Variants in IKZF2 observed in about 807,000 individuals in gnomAD.
The protein encoded by IKZF2 is IKAROS family zinc finger 2.
IKZF2 carries 15 observed loss-of-function variants against 49.2 expected under a neutral mutation model. That is an observed-to-expected ratio of 0.30 (90% confidence interval 0.20 to 0.47). The LOEUF is 0.47. Ranked by LOEUF, IKZF2 falls within the 20% of genes least tolerant of loss-of-function variation. The pLI, the probability that IKZF2 is intolerant of heterozygous loss-of-function variation, is 1.00. For missense variants in IKZF2, 567 were observed against 664.6 expected (o/e 0.85, Z 1.61); for synonymous variants, 227 against 221.4 (o/e 1.03, Z -0.23).
intron 4 of IKZF2, among the ~76,000 whole-genome samples, chr2:213,060,125 T>G (rs1011030065): frequency 1.3e-5 from 2 of 151,334 alleles, no homozygotes. Flanking sequence ...TACAATTAGG[T>G]TGAAATTCTA....
intron 6 of IKZF2, among the ~76,000 whole-genome samples, chr2:213,041,339 TG>T (rs112857321): frequency 7.1e-4 from 95 of 133,066 alleles, no homozygotes; most frequent in African/African-American, 3.6e-4. Flanking sequence ...AATCTTTTTT[TG>T]GGGGGGGTGG....
chr2:213,074,836 T>C (rs564629190), intron 4 of IKZF2, among the ~76,000 whole-genome samples: 31 of 152,342 alleles, frequency 2.0e-4, no homozygotes, highest in Middle Eastern at 3.4e-3. Flanking sequence ...CATCAAACCT[T>C]ATTAATATGA....
chr2:213,118,463 A>G (rs2059945901), intron 4 of IKZF2, among the ~76,000 whole-genome samples: 1 of 152,222 alleles, frequency 6.6e-6, no homozygotes, highest in Non-Finnish European at 1.5e-5. Context: ...AATGTGTTCT[A>G]TATTTGTAAA....
intron 6 of IKZF2, among the ~76,000 whole-genome samples, chr2:213,048,929 CAAAT>C (rs992493362): frequency 2.0e-5 from 3 of 152,032 alleles, no homozygotes; most frequent in African/African-American, 4.8e-5. Flanking sequence ...ACAGAAGAAA[CAAAT>C]AAAACTAGCT....
At chr2:213,069,379 ATCT>A (rs1702467644) in intron 4 of IKZF2, among the ~76,000 whole-genome samples, 1 of 152,126 alleles carries the variant, frequency 6.6e-6, no homozygotes, top group African/African-American at 2.4e-5. Flanking sequence ...AGTTATTTTA[ATCT>A]TCTTCCACCT....
At chr2:213,084,452 T>C (rs916104746) in intron 4 of IKZF2, among the ~76,000 whole-genome samples, 5 of 152,164 alleles carry the variant, frequency 3.3e-5, no homozygotes, top group Non-Finnish European at 7.3e-5. Flanking sequence ...ATGGTCAGTG[T>C]TAGAAAAGTG....
chr2:213,129,547 G>A (rs758131987), intron 4 of IKZF2, among the ~76,000 whole-genome samples: 3 of 151,928 alleles, frequency 2.0e-5, no homozygotes, highest in Admixed American at 6.6e-5. Context: ...GAGGAAGTCA[G>A]AGATGGAGGC....
intron 6 of IKZF2, among the ~76,000 whole-genome samples, chr2:213,030,399 C>G (rs1698278225): frequency 6.6e-6 from 1 of 151,872 alleles, no homozygotes; most frequent in African/African-American, 2.4e-5. Flanking sequence ...CAAAGAGAAT[C>G]TCTTTATATG....
intron 4 of IKZF2, among the ~76,000 whole-genome samples, chr2:213,129,841 A>T (rs2060414650): frequency 6.6e-6 from 1 of 152,206 alleles, no homozygotes; most frequent in Admixed American, 6.5e-5. Flanking sequence ...TAAATTCAGG[A>T]TGTATTTTAG....
rs532332398 is a variant in IKZF2 at position 213,073,472 on chromosome 2, CATG to C, written c.140-16376_140-16374del. ...ACAAATGATAGTAATCCATTATTGA[CATG>C]ATCTATGTTTCATAAATATAAAAAG... On this transcript the variant is annotated intron_variant, in intron 4 of 8. Coordinates refer to ENST00000434687, the MANE Select transcript of IKZF2 (RefSeq NM_001387220.1). Among the ~76,000 whole-genome samples, 759 of 152,258 alleles carry C rather than the reference CATG, an allele frequency of 5.0e-3. 7 individuals are homozygous for C. The highest frequency in any genetic ancestry group is 0.017 in the African/African-American group (724 of 41,544).
At chr2:213,111,339 A>C (rs779233621) in intron 4 of IKZF2, among the ~76,000 whole-genome samples, 1 of 152,076 alleles carries the variant, frequency 6.6e-6, no homozygotes, top group Non-Finnish European at 1.5e-5. Flanking sequence ...AATACTTCAC[A>C]GTATATCTTC....
At position 213,139,095 on chromosome 2, in the gene IKZF2, T is replaced by C. The variant is rs181174909; in HGVS notation, c.139+8613A>G. Among the ~76,000 whole-genome samples the C allele has an allele frequency of 7.6e-4, 116 of 152,014 alleles. 3 individuals carry two copies. Among genetic ancestry groups the C allele is most frequent in the Non-Finnish European group, 1.5e-4 (10 of 67,842 alleles). On this transcript the variant is annotated intron_variant, in intron 4 of 8. Coordinates refer to ENST00000434687, the MANE Select transcript of IKZF2 (RefSeq NM_001387220.1). ...ATAAAGTTAGGCTATAAAATCAACATTTTACAAATTAAAGCAGAAATATAA... is the reference window on the plus strand; with the variant it reads ...ATAAAGTTAGGCTATAAAATCAACACTTTACAAATTAAAGCAGAAATATAA...
intron 4 of IKZF2, among the ~76,000 whole-genome samples, chr2:213,074,610 AAT>A (rs1703061498): frequency 6.6e-6 from 1 of 152,168 alleles, no homozygotes; most frequent in East Asian, 1.9e-4. Context: ...AAAACTCTTA[AAT>A]CCAATCAATG....
At chr2:213,080,369 G>A (rs1039745437) in intron 4 of IKZF2, among the ~76,000 whole-genome samples, 1 of 152,120 alleles carries the variant, frequency 6.6e-6, no homozygotes, top group South Asian at 2.1e-4. Flanking sequence ...AGGCACAAAG[G>A]TTCATTAAAT....
chr2:213,120,865 C>T (rs949348560), intron 4 of IKZF2, among the ~76,000 whole-genome samples: 1 of 152,280 alleles, frequency 6.6e-6, no homozygotes, highest in Admixed American at 6.5e-5. Context: ...CTCAGCCCCT[C>T]AAGTAGCTGG....
At chr2:213,031,663 A>G (rs1342059307) in intron 6 of IKZF2, among the ~76,000 whole-genome samples, 12 of 152,214 alleles carry the variant, frequency 7.9e-5, no homozygotes, top group Non-Finnish European at 8.8e-5. Flanking sequence ...CAAAATATAC[A>G]TTGTAACATA....
At position 213,122,470 on chromosome 2, in the gene IKZF2, G is replaced by C. The variant is rs1481185439; in HGVS notation, c.139+25238C>G. Among the ~76,000 whole-genome samples, 5 of 152,104 alleles carry C rather than the reference G, an allele frequency of 3.3e-5. No individual in the cohort carries two copies. The East Asian group carries it at 9.6e-4, about 29-fold the overall frequency. ...GTCTGGGACTGTTTATTTTTTTCAA[G>C]TATCTTAGATGATTCTTACGATCAA... is the stretch of plus-strand genomic sequence containing the variant. On this transcript the variant is annotated intron_variant, in intron 4 of 8. Coordinates refer to ENST00000434687, the MANE Select transcript of IKZF2 (RefSeq NM_001387220.1).
intron 4 of IKZF2, among the ~76,000 whole-genome samples, chr2:213,060,979 T>A (rs1380382812): frequency 2.0e-5 from 3 of 151,526 alleles, no homozygotes; most frequent in Non-Finnish European, 4.4e-5. Context: ...AGCTTCAGGA[T>A]ATAAACATTT....
Position 213,002,040 on chromosome 2 carries a change from T to C in IKZF2, c.*5320A>G, listed in dbSNP as rs1694947849. 6.6e-6 allele frequency: 1 copy of C among 151,494 alleles called. No homozygotes were observed. The highest frequency in any genetic ancestry group is 2.1e-4 in the South Asian group (1 of 4,830). The allele number at this position is 151,494 out of a possible 1,614,324, so 9.4% of individuals were successfully genotyped here. A position where few individuals can be genotyped will look rare whatever the true frequency, so the allele number is the denominator to read the frequency against. On this transcript the variant is annotated 3_prime_UTR_variant, in exon 9 of 9. Transcript: ENST00000434687. ...GACCTCCACCTGCTCAAGAAGCTTT[T>C]CTTACTATCTGTCACTTGAGGTAAT...
Sources: gnomAD v4.1 joint callset for allele counts (sites outside exome capture counted in the v4.1 genomes callset) on GRCh38, gnomAD v4.1.1 for gene constraint, MANE v1.5 for transcripts, NCBI Gene and HGNC (gene_info 2026-07-23, HGNC 2026-07-21) for gene names.